NRG1: variants seen among roughly 807,000 people sequenced by gnomAD.
NRG1 encodes the protein neuregulin 1, also known as pro-neuregulin-1, membrane-bound isoform.
NRG1 carries 18 observed loss-of-function variants against 63.8 expected under a neutral mutation model. The ratio of observed to expected loss-of-function variants is 0.28; its 90% CI spans 0.19 to 0.42. The LOEUF (loss-of-function observed/expected upper bound fraction) is 0.42. NRG1 is among the 10% of genes least tolerant of loss of function. The pLI is 1.00. For missense variants in NRG1, 762 were observed against 814.7 expected, an observed-to-expected ratio of 0.94 and a Z score of 0.79; for synonymous variants, 302 against 301.3, an observed-to-expected ratio of 1.00 and a Z score of -0.02.
chr8:32,169,185 T>A (rs578219584), intron 1 of NRG1, among the ~76,000 whole-genome samples: 1 of 152,280 alleles, frequency 6.6e-6, no homozygotes, highest in Admixed American at 6.5e-5. Context: ...TACCTGAAAC[T>A]TGGTAGACTC....
intron 1 of NRG1, among the ~76,000 whole-genome samples, chr8:31,852,652 G>C (rs1827371013): frequency 6.6e-6 from 1 of 151,622 alleles, no homozygotes; most frequent in African/African-American, 2.4e-5. Flanking sequence ...TGTTGCCATT[G>C]CTTTTGGTGT....
intron 1 of NRG1, among the ~76,000 whole-genome samples, chr8:32,058,607 TCTGGTAGAGC>T (rs547791043): frequency 1.1e-4 from 17 of 152,030 alleles, no homozygotes; most frequent in Non-Finnish European, 2.5e-4. Flanking sequence ...TTTTAGACTT[TCTGGTAGAGC>T]ACTCAATAAT....
At chr8:32,631,502 A>G (rs1173553402) in intron 5 of NRG1, among the ~76,000 whole-genome samples, 1 of 152,208 alleles carries the variant, frequency 6.6e-6, no homozygotes, top group African/African-American at 2.4e-5. Flanking sequence ...ATCCTTATAA[A>G]TAATGCATCT....
intron 1 of NRG1, among the ~76,000 whole-genome samples, chr8:31,651,196 C>A (rs891331573): frequency 5.9e-5 from 9 of 152,170 alleles, no homozygotes; most frequent in African/African-American, 2.2e-4. Flanking sequence ...CAAATCTTAT[C>A]TCCATGGCCT....
At chr8:32,300,515 G>A (rs565754377) in intron 1 of NRG1, among the ~76,000 whole-genome samples, 1 of 152,212 alleles carries the variant, frequency 6.6e-6, no homozygotes, top group South Asian at 2.1e-4. Context: ...CAATAACATG[G>A]GCAAATATAA....
At chr8:32,170,904 C>T (rs1839954848) in intron 1 of NRG1, among the ~76,000 whole-genome samples, 2 of 152,214 alleles carry the variant, frequency 1.3e-5, no homozygotes, top group East Asian at 3.9e-4. Flanking sequence ...GATAATATTC[C>T]CCAGATCCTT....
chr8:31,881,986 T>C (rs1034143236), intron 1 of NRG1, among the ~76,000 whole-genome samples: 3 of 152,166 alleles, frequency 2.0e-5, no homozygotes, highest in Non-Finnish European at 4.4e-5. Flanking sequence ...GCTAAGATTA[T>C]TGATGAAGGT....
chr8:31,781,233 G>A (rs192625277), intron 1 of NRG1, among the ~76,000 whole-genome samples: 6 of 152,234 alleles, frequency 3.9e-5, no homozygotes, highest in South Asian at 2.1e-4. Context: ...TTTGATTGAA[G>A]CCTTTCTGTG....
chr8:32,158,448 G>T (rs867331321), intron 1 of NRG1, among the ~76,000 whole-genome samples: 111 of 62,136 alleles, frequency 1.8e-3, no homozygotes, highest in African/African-American at 3.3e-3. Context: ...TGGTTTACAT[G>T]ATATATATAT....
chr8:32,767,994 T>G (rs951374203), downstream of NRG1: 2 of 152,228 alleles, frequency 1.3e-5, no homozygotes, highest in African/African-American at 2.4e-5. Flanking sequence ...ACAGCTTCAG[T>G]CTGTTAGACC....
intron 1 of NRG1, among the ~76,000 whole-genome samples, chr8:32,535,252 A>T (rs758997934): frequency 1.3e-5 from 2 of 152,196 alleles, no homozygotes; most frequent in African/African-American, 2.4e-5. Context: ...TTTCAGGCCA[A>T]AAAGTTTGCT....
At chr8:32,378,258 G>A (rs1809876893) in intron 1 of NRG1, among the ~76,000 whole-genome samples, 1 of 152,076 alleles carries the variant, frequency 6.6e-6, no homozygotes, top group African/African-American at 2.4e-5. Flanking sequence ...AAATCATTAG[G>A]AATTTCAAGA....
At position 31,775,283 on chromosome 8, in the gene NRG1, T is replaced by C. The variant is rs1425598106; in HGVS notation, c.37+135852T>C. ...AACCGCAAAACAGAATGAAATCATG[T>C]CTTTTGCATCAACAGGTATGAACCT... is the stretch of plus-strand genomic sequence containing the variant. On this transcript the variant is annotated intron_variant, in intron 1 of 10. Transcript: ENST00000519301. 2.0e-5 allele frequency among the ~76,000 whole-genome samples: 3 copies of C among 152,272 alleles called. No homozygotes were observed. In the East Asian group the frequency reaches 5.8e-4, roughly 29 times the overall value.
At chr8:32,450,742 G>T (rs1820849168) in intron 1 of NRG1, among the ~76,000 whole-genome samples, 1 of 152,106 alleles carries the variant, frequency 6.6e-6, no homozygotes, top group Non-Finnish European at 1.5e-5. Context: ...ATAAAAAAAT[G>T]AAGACAGAAT....
chr8:32,184,865 T>C (rs1163841010), intron 1 of NRG1, among the ~76,000 whole-genome samples: 1 of 152,190 alleles, frequency 6.6e-6, no homozygotes, highest in Non-Finnish European at 1.5e-5. Flanking sequence ...ACCTAGGTTG[T>C]GGGCTTCCAA....
chr8:31,699,382 AT>A (rs1008029903), intron 1 of NRG1, among the ~76,000 whole-genome samples: 1 of 152,140 alleles, frequency 6.6e-6, no homozygotes, highest in South Asian at 2.1e-4. Context: ...TGAAGATGTA[AT>A]TTTTTAGCCT....
intron 5 of NRG1, among the ~76,000 whole-genome samples, chr8:32,653,880 A>G (rs891456520): frequency 1.3e-5 from 2 of 152,208 alleles, no homozygotes; most frequent in African/African-American, 4.8e-5. Flanking sequence ...GTGATTGACT[A>G]GCAGTGAGTG....
chr8:31,806,499 G>A (rs1277491751), intron 1 of NRG1, among the ~76,000 whole-genome samples: 3 of 151,944 alleles, frequency 2.0e-5, no homozygotes, highest in African/African-American at 7.3e-5. Context: ...AAAAAAAACT[G>A]TAGAATAATT....
intron 1 of NRG1, among the ~76,000 whole-genome samples, chr8:32,579,652 T>A (rs1221444734): frequency 6.6e-6 from 1 of 152,204 alleles, no homozygotes; most frequent in Non-Finnish European, 1.5e-5. Flanking sequence ...GTGTATTAAT[T>A]AATGAGATGA....
Sources: gnomAD v4.1 joint callset for allele counts (sites outside exome capture counted in the v4.1 genomes callset) on GRCh38, gnomAD v4.1.1 for gene constraint, MANE v1.5 for transcripts, NCBI Gene and HGNC (gene_info 2026-07-23, HGNC 2026-07-21) for gene names.